ERCC6L2: variants seen among roughly 807,000 people sequenced by gnomAD.
The protein encoded by ERCC6L2 is ERCC excision repair 6 like 2.
Under a neutral mutation model 132.0 loss-of-function variants are expected in ERCC6L2, and 77 were observed. The observed-to-expected ratio is 0.58, with a 90% CI of 0.49 to 0.71. The LOEUF is 0.71. ERCC6L2 is among the 30% of genes least tolerant of loss of function. ERCC6L2 has a pLI of 0.00. For missense variants in ERCC6L2, 1,542 were observed against 1,837.6 expected, an observed-to-expected ratio of 0.84 and a Z score of 2.94; for synonymous variants, 583 against 632.4, an observed-to-expected ratio of 0.92 and a Z score of 1.17.
intron 1 of ERCC6L2, among the ~76,000 whole-genome samples, chr9:95,878,517 T>TTA (rs946094512): frequency 1.3e-5 from 2 of 151,992 alleles, no homozygotes; most frequent in African/African-American, 4.8e-5. Context: ...CTTTTTTTTT[T>TTA]ATTATACTTT....
chr9:96,001,450 C>T (rs565424413), intron 17 of ERCC6L2, among the ~76,000 whole-genome samples: 1 of 152,300 alleles, frequency 6.6e-6, no homozygotes, highest in South Asian at 2.1e-4. Context: ...TTTCCTCACA[C>T]AGGTTCTCCA....
chr9:95,972,707 A>T lies in ERCC6L2; in HGVS notation c.2956A>T (p.Ile986Phe), dbSNP rs943724664. The change falls in exon 16 of 19, where the codon ATT becomes TTT. Residue 986 changes from isoleucine (I) to phenylalanine (F), a missense_variant. Physicochemically the swap from Ile to Phe is conservative, Grantham distance 21. This residue lies in a region of ERCC6L2 where 945 missense variants were observed against 1,105.2 expected (regional missense o/e 0.86). Transcript: ENST00000653738. Reference sequence around the variant, plus strand: ...TGATATCAGTGATGAATCTGATGACATTGAAATTTCTTCCAAGTCAAGAGT... The same window carrying T: ...TGATATCAGTGATGAATCTGATGACTTTGAAATTTCTTCCAAGTCAAGAGT... Reference protein sequence around the residue: ...TSDISDESDDIEISSKSRVRK... With the variant: ...TSDISDESDDFEISSKSRVRK... 3.0e-5 allele frequency: 39 copies of T among 1,301,956 alleles called. No homozygotes were observed. Among genetic ancestry groups the T allele is most frequent in the Non-Finnish European group, 3.0e-5 (30 of 988,878 alleles). The allele number at this position is 1,301,956 out of a possible 1,614,324, so 80.7% of individuals were successfully genotyped here.
At chr9:95,929,463 A>G (rs572016592) in intron 11 of ERCC6L2, among the ~76,000 whole-genome samples, 15 of 152,352 alleles carry the variant, frequency 9.8e-5, no homozygotes, top group Non-Finnish European at 2.1e-4. Context: ...GAACAGATCA[A>G]TAACTTTTGA....
downstream of ERCC6L2, among the ~76,000 whole-genome samples, chr9:96,022,625 G>C: frequency 6.6e-6 from 1 of 152,180 alleles, no homozygotes; most frequent in East Asian, 1.9e-4. Context: ...GACCCGCAGC[G>C]CCAGCCGGGT....
intron 1 of ERCC6L2, among the ~76,000 whole-genome samples, chr9:95,878,173 G>A (rs1827391031): frequency 6.6e-6 from 1 of 152,054 alleles, no homozygotes. Flanking sequence ...ACTTTTTTTT[G>A]TAAATAAAGT....
intron 17 of ERCC6L2, among the ~76,000 whole-genome samples, chr9:95,978,973 A>C (rs977776296): frequency 7.2e-5 from 11 of 152,206 alleles, no homozygotes; most frequent in Non-Finnish European, 1.6e-4. Context: ...TTCGTACCTC[A>C]CTGGTTTGAC....
At position 96,004,659 on chromosome 9, in the gene ERCC6L2, A is replaced by C; in HGVS notation, c.3632A>C (p.Gln1211Pro). The change falls in exon 18 of 19, where the codon CAG becomes CCG. Residue 1211 changes from glutamine (Q) to proline (P), a missense_variant. By Grantham distance (76) the Gln-to-Pro change is moderately conservative (BLOSUM62 -1). This residue lies in a region of ERCC6L2 where 442 missense variants were observed against 583.4 expected (regional missense o/e 0.76). Transcript: ENST00000653738. ...QKKKKVYHTN[Q>P]TTFIIGETPK... ...AAGAAAAAAGTCTACCATACAAACC[A>C]GACCACCTTCATAATTGGAGAAACA... 7.5e-7 allele frequency: 1 copy of C among 1,342,276 alleles called. No individual in the cohort carries two copies. Among genetic ancestry groups the C allele is most frequent in the South Asian group, 1.2e-5 (1 of 83,672 alleles). 83.1% of individuals were successfully genotyped at this position (1,342,276 alleles called of 1,614,324 possible). A position where few individuals can be genotyped will look rare whatever the true frequency, so the allele number is the denominator to read the frequency against.
In ERCC6L2 at chr9:95,927,932, T is replaced by C. The variant is rs114172921; in HGVS notation, c.1534-147T>C. 1.4e-3 allele frequency: 781 copies of C among 549,574 alleles called. 8 individuals carry two copies. The highest frequency in any genetic ancestry group is 0.014 in the African/African-American group (720 of 52,082). The allele number at this position is 549,574 out of a possible 1,614,324, so 34.0% of individuals were successfully genotyped here. ...ATAGCTAATACTTTATTTCTCTAAC[T>C]TGGAAAAAATGAAAGGAATTAGAAA... On this transcript the variant is annotated intron_variant, in intron 9 of 18. Transcript: ENST00000653738.
intron 12 of ERCC6L2, among the ~76,000 whole-genome samples, chr9:95,947,645 T>TA (rs1831125540): frequency 6.6e-6 from 1 of 152,186 alleles, no homozygotes. Flanking sequence ...GGAGAGTTAA[T>TA]ACCTGGCTTC....
At chr9:95,885,861 A>G (rs566790362) in intron 2 of ERCC6L2, among the ~76,000 whole-genome samples, 5 of 152,336 alleles carry the variant, frequency 3.3e-5, no homozygotes, top group Admixed American at 3.3e-4. Context: ...GTGTTTTAAC[A>G]GATGCTTCAG....
intron 11 of ERCC6L2, among the ~76,000 whole-genome samples, chr9:95,934,081 G>GA (rs2132831259): frequency 6.6e-6 from 1 of 152,220 alleles, no homozygotes; most frequent in South Asian, 2.1e-4. Context: ...GCTGATGAGG[G>GA]AAAATGGCAA....
intron 12 of ERCC6L2, among the ~76,000 whole-genome samples, chr9:95,948,803 A>G (rs1038833070): frequency 6.6e-6 from 1 of 151,412 alleles, no homozygotes; most frequent in Non-Finnish European, 1.5e-5. Context: ...AAAAAAAAAA[A>G]AAAAAGAAAA....
At chr9:95,951,817 A>T (rs893849134) in intron 12 of ERCC6L2, among the ~76,000 whole-genome samples, 1 of 151,986 alleles carries the variant, frequency 6.6e-6, no homozygotes, top group Non-Finnish European at 1.5e-5. Context: ...ACCTCCCAAT[A>T]AAGTAAAGCC....
At chr9:95,884,789 A>G (rs1301800397) in intron 2 of ERCC6L2, among the ~76,000 whole-genome samples, 3 of 152,248 alleles carry the variant, frequency 2.0e-5, no homozygotes, top group African/African-American at 7.2e-5. Flanking sequence ...AGACGTGGAC[A>G]TAGAAAGAAC....
chr9:95,981,581 C>T (rs1406731103), intron 17 of ERCC6L2, among the ~76,000 whole-genome samples: 1 of 152,114 alleles, frequency 6.6e-6, no homozygotes, highest in Non-Finnish European at 1.5e-5. Context: ...GAAAACAGCT[C>T]ATTTTAACAA....
At chr9:96,000,060 TTTA>T (rs1325234032) in intron 17 of ERCC6L2, among the ~76,000 whole-genome samples, 1 of 151,994 alleles carries the variant, frequency 6.6e-6, no homozygotes, top group Non-Finnish European at 1.5e-5. Flanking sequence ...AGCCAATTTT[TTTA>T]TTTTTAGTAG....
At chr9:96,040,692 A>C (rs1834568422) in intron 20 of ERCC6L2, among the ~76,000 whole-genome samples, 1 of 152,252 alleles carries the variant, frequency 6.6e-6, no homozygotes, top group Non-Finnish European at 1.5e-5. Context: ...CCATGGCCAC[A>C]CCTCATGGGG....
Position 95,955,944 on chromosome 9 carries a change from C to G in ERCC6L2, c.1878C>G (p.Val626=), listed in dbSNP as rs1452298915. 33 of 1,605,638 alleles carry G rather than the reference C, an allele frequency of 2.1e-5. No homozygotes were observed. The highest frequency in any genetic ancestry group is 2.6e-5 in the Non-Finnish European group (31 of 1,176,158). The change falls in exon 13 of 19, where the codon GTC becomes GTG. Residue 626 remains valine, a synonymous_variant. Coordinates refer to ENST00000653738, the MANE Select transcript of ERCC6L2 (RefSeq NM_020207.7). ...ATAGGATTGGACAATGTAGAGATGT[C>G]AAAGTGCTTAGGCTGATATCCTTGG... ...RAYRIGQCRD[V]KVLRLISLGT...
chr9:95,993,532 C>T (rs547994700), intron 17 of ERCC6L2, among the ~76,000 whole-genome samples: 6 of 152,278 alleles, frequency 3.9e-5, no homozygotes, highest in African/African-American at 1.2e-4. Flanking sequence ...CCTGCTCCCC[C>T]CAATGCTGCC....
Sources: allele counts gnomAD v4.1 joint callset (sites outside exome capture counted in the v4.1 genomes callset), GRCh38; gene constraint gnomAD v4.1.1; regional missense constraint gnomAD v4.1.1; transcripts MANE v1.5; gene names NCBI Gene and HGNC (gene_info 2026-07-23, HGNC 2026-07-21).